Variants in SNTG1 observed in about 807,000 individuals in gnomAD.
The protein encoded by SNTG1 is syntrophin gamma 1.
Under a neutral mutation model 74.7 loss-of-function variants are expected in SNTG1, and 39 were observed. The ratio of observed to expected loss-of-function variants is 0.52; its 90% confidence interval spans 0.40 to 0.68. The LOEUF (loss-of-function observed/expected upper bound fraction) is 0.68. SNTG1 is among the 30% of genes least tolerant of loss of function. The pLI, the probability that SNTG1 is intolerant of heterozygous loss-of-function variation, is 0.00. For missense variants in SNTG1, 685 were observed against 609.5 expected, an observed-to-expected ratio of 1.12 and a Z score of -1.30; for synonymous variants, 254 against 217.1, an observed-to-expected ratio of 1.17 and a Z score of -1.49.
chr8:50,745,754 T>A (rs893934268), intron 17 of SNTG1, among the ~76,000 whole-genome samples: 1 of 151,930 alleles, frequency 6.6e-6, no homozygotes, highest in East Asian at 1.9e-4. Context: ...TTACGTTAAG[T>A]GAAATAAGCC....
chr8:50,681,836 A>C (rs909381758), intron 15 of SNTG1, among the ~76,000 whole-genome samples: 2 of 152,330 alleles, frequency 1.3e-5, no homozygotes, highest in East Asian at 3.9e-4. Context: ...CTTCTGGATG[A>C]TTCCATGTGG....
chr8:50,014,091 A>C (rs1036208668), intron 1 of SNTG1, among the ~76,000 whole-genome samples: 2 of 152,164 alleles, frequency 1.3e-5, no homozygotes, highest in African/African-American at 4.8e-5. Flanking sequence ...TGATGTTTTA[A>C]GTTGGTGCTA....
chr8:50,277,137 C>A (rs2130373069), intron 2 of SNTG1, among the ~76,000 whole-genome samples: 1 of 151,996 alleles, frequency 6.6e-6, no homozygotes, highest in South Asian at 2.1e-4. Flanking sequence ...CAAAGTGGTG[C>A]ATTTTTGTAG....
At chr8:50,615,134 G>A (rs1363899424) in intron 13 of SNTG1, among the ~76,000 whole-genome samples, 1 of 151,804 alleles carries the variant, frequency 6.6e-6, no homozygotes, top group Non-Finnish European at 1.5e-5. Context: ...GTTTGTTTTT[G>A]TATTTTTAGT....
chr8:50,134,827 A>G (rs1431746863), intron 1 of SNTG1, among the ~76,000 whole-genome samples: 1 of 152,162 alleles, frequency 6.6e-6, no homozygotes, highest in East Asian at 1.9e-4. Context: ...TTTGAACAGG[A>G]GACTAGAATG....
chr8:50,104,430 C>A (rs149994), intron 1 of SNTG1, among the ~76,000 whole-genome samples: 1 of 151,816 alleles, frequency 6.6e-6, no homozygotes, highest in East Asian at 1.9e-4. Flanking sequence ...TTTTTTATTG[C>A]GTCTATTTTA....
intron 2 of SNTG1, among the ~76,000 whole-genome samples, chr8:50,330,919 G>T (rs1418789888): frequency 6.6e-6 from 1 of 152,128 alleles, no homozygotes; most frequent in Admixed American, 6.5e-5. Flanking sequence ...GACATGTGAG[G>T]ATTAACAATT....
chr8:50,411,778 A>G (rs2092952498), intron 4 of SNTG1, among the ~76,000 whole-genome samples: 1 of 152,148 alleles, frequency 6.6e-6, no homozygotes, highest in Non-Finnish European at 1.5e-5. Flanking sequence ...GCGGTTCCAG[A>G]TATGGCAGCC....
intron 4 of SNTG1, among the ~76,000 whole-genome samples, chr8:50,438,049 A>G (rs2093322440): frequency 6.6e-6 from 1 of 152,138 alleles, no homozygotes; most frequent in Non-Finnish European, 1.5e-5. Flanking sequence ...TTCACTTTCA[A>G]TCTAAAACAC....
intron 11 of SNTG1, among the ~76,000 whole-genome samples, chr8:50,551,442 G>T (rs1295910908): frequency 6.6e-6 from 1 of 152,062 alleles, no homozygotes; most frequent in Non-Finnish European, 1.5e-5. Flanking sequence ...AAATCTAGCT[G>T]CTATTTAAAG....
At chr8:50,454,110 C>A (rs545059664) in intron 8 of SNTG1, among the ~76,000 whole-genome samples, 2 of 152,316 alleles carry the variant, frequency 1.3e-5, no homozygotes, top group African/African-American at 4.8e-5. Flanking sequence ...ATTCTCCTTA[C>A]CACTGAACCC....
chr8:50,695,684 C>G (rs915060356), intron 15 of SNTG1, among the ~76,000 whole-genome samples: 1 of 151,584 alleles, frequency 6.6e-6, no homozygotes, highest in Non-Finnish European at 1.5e-5. Context: ...CCAGGCTTAC[C>G]CATTGTTTAC....
chr8:50,163,181 A>C (rs1206846685), intron 1 of SNTG1, among the ~76,000 whole-genome samples: 1 of 151,986 alleles, frequency 6.6e-6, no homozygotes, highest in East Asian at 1.9e-4. Flanking sequence ...GAAGAAAGCA[A>C]CTCTCCTCAA....
intron 1 of SNTG1, among the ~76,000 whole-genome samples, chr8:49,991,151 A>G (rs1026204225): frequency 6.6e-6 from 1 of 152,184 alleles, no homozygotes; most frequent in African/African-American, 2.4e-5. Flanking sequence ...GCTCTCCTCC[A>G]CAGGAGGTAT....
chr8:50,590,517 A>G (rs2094684640), intron 12 of SNTG1, among the ~76,000 whole-genome samples: 1 of 152,096 alleles, frequency 6.6e-6, no homozygotes, highest in South Asian at 2.1e-4. Context: ...TGCTAAAACA[A>G]ATTGGATATA....
chr8:50,570,499 T>A (rs1217661280), intron 12 of SNTG1, among the ~76,000 whole-genome samples: 4 of 149,292 alleles, frequency 2.7e-5, no homozygotes, highest in African/African-American at 9.7e-5. Context: ...CCTCAGGTGA[T>A]CCACCCACCT....
At chr8:50,097,212 C>T (rs575212357) in intron 1 of SNTG1, among the ~76,000 whole-genome samples, 7 of 152,022 alleles carry the variant, frequency 4.6e-5, no homozygotes, top group South Asian at 2.1e-4. Context: ...CCTCGTGATC[C>T]GCTTGCCTTG....
At chr8:50,432,005 C>CTTTATTTGCTTTATTAATA (rs2093242500) in intron 4 of SNTG1, among the ~76,000 whole-genome samples, 1 of 152,108 alleles carries the variant, frequency 6.6e-6, no homozygotes, top group Admixed American at 6.6e-5. Context: ...CAGTATCTTT[C>CTTTATTTGCTTTATTAATA]ACAAAGCAAA....
chr8:50,501,216 G>T (rs1205895173), intron 8 of SNTG1, among the ~76,000 whole-genome samples: 2 of 151,860 alleles, frequency 1.3e-5, no homozygotes, highest in Admixed American at 1.3e-4. Flanking sequence ...TTAATGATGG[G>T]GCTGAGAAAG....
Sources: gnomAD v4.1 joint callset for allele counts (sites outside exome capture counted in the v4.1 genomes callset) on GRCh38, gnomAD v4.1.1 for gene constraint, MANE v1.5 for transcripts, NCBI Gene and HGNC (gene_info 2026-07-23, HGNC 2026-07-21) for gene names.